The following SCAPER variants were observed in gnomAD, a reference collection of about 807,000 sequenced individuals.
SCAPER encodes the protein S-phase cyclin A associated protein in the ER.
SCAPER carries 98 observed loss-of-function variants against 182.2 expected under a neutral mutation model. That is an observed-to-expected ratio of 0.54 (90% CI 0.46 to 0.64). The LOEUF is 0.64. SCAPER is among the 30% of genes least tolerant of loss of function. The pLI, the probability that SCAPER is intolerant of heterozygous loss-of-function variation, is 0.00. For synonymous variants in SCAPER, 605 were observed against 564.6 expected (o/e 1.07, Z -1.01); for missense variants, 1,432 against 1,690.0 (o/e 0.85, Z 2.68).
chr15:76,639,515 T>C (rs1471117380), intron 21 of SCAPER, among the ~76,000 whole-genome samples: 1 of 152,212 alleles, frequency 6.6e-6, no homozygotes, highest in Non-Finnish European at 1.5e-5. Context: ...GAGTTGGGGC[T>C]GGAGAGAGTG....
chr15:76,796,333 C>G (rs969600514), intron 7 of SCAPER, among the ~76,000 whole-genome samples: 16 of 152,134 alleles, frequency 1.1e-4, no homozygotes, highest in African/African-American at 3.9e-4. Context: ...AGCAACTTTA[C>G]CAGTTCCCTT....
At chr15:76,445,639 G>A (rs544843825) in intron 25 of SCAPER, among the ~76,000 whole-genome samples, 1 of 152,256 alleles carries the variant, frequency 6.6e-6, no homozygotes, top group East Asian at 1.9e-4. Flanking sequence ...GGTTTCCACA[G>A]GAGGGGTTTC....
chr15:76,676,410 A>G (rs2057372265), intron 20 of SCAPER, among the ~76,000 whole-genome samples: 1 of 152,232 alleles, frequency 6.6e-6, no homozygotes, highest in South Asian at 2.1e-4. Flanking sequence ...CCTCTGTTCT[A>G]CATAGTCACA....
chr15:76,491,751 C>T (rs2052334715), intron 24 of SCAPER, among the ~76,000 whole-genome samples: 1 of 152,166 alleles, frequency 6.6e-6, no homozygotes, highest in Non-Finnish European at 1.5e-5. Flanking sequence ...CGTGCCTCAG[C>T]CACCTGAGTA....
At chr15:76,852,733 A>AAGTTGG (rs1273081189) in intron 4 of SCAPER, among the ~76,000 whole-genome samples, 1 of 152,178 alleles carries the variant, frequency 6.6e-6, no homozygotes, top group African/African-American at 2.4e-5. Context: ...CCACATCAAA[A>AAGTTGG]AGTTGGAAAG....
chr15:76,426,701 C>CA (rs1160653102), intron 26 of SCAPER, among the ~76,000 whole-genome samples: 6 of 151,100 alleles, frequency 4.0e-5, no homozygotes, highest in Admixed American at 1.3e-4. Context: ...TCTTCACACA[C>CA]AAAAAAAACA....
rs1302408233 is a variant in SCAPER, at chr15:76,885,151, T to TA, written c.-59-1276dup. 3.9e-5 allele frequency among the ~76,000 whole-genome samples: 6 copies of TA among 152,340 alleles called. 1 individual carries two copies. The highest frequency in any genetic ancestry group is 1.4e-4 in the African/African-American group (6 of 41,570). ...AAAAACCATTTTTAAATGGGGAAAT[T>TA]ATATTGTAAATGAATCATTTATCAG... On this transcript the variant is annotated intron_variant, in intron 1 of 31. Coordinates refer to ENST00000563290, the MANE Select transcript of SCAPER (RefSeq NM_020843.4).
At chr15:76,705,659 T>G (rs1185942005) in intron 18 of SCAPER, among the ~76,000 whole-genome samples, 3 of 151,724 alleles carry the variant, frequency 2.0e-5, no homozygotes, top group Admixed American at 6.6e-5. Context: ...AGATTCTAAA[T>G]TAAAAAGAAA....
At chr15:76,653,954 A>G (rs2055391889) in intron 21 of SCAPER, among the ~76,000 whole-genome samples, 1 of 152,224 alleles carries the variant, frequency 6.6e-6, no homozygotes, top group Non-Finnish European at 1.5e-5. Flanking sequence ...TTCAGAAACT[A>G]TGCATCCAAC....
intron 26 of SCAPER, 69 bp from the exon 27 acceptor site, chr15:76,404,748 A>T (rs2044705699): frequency 1.3e-6 from 2 of 1,513,182 alleles, no homozygotes; most frequent in Non-Finnish European, 1.8e-6. Flanking sequence ...TTCAATGATA[A>T]ATGCTACCAT....
intron 20 of SCAPER, among the ~76,000 whole-genome samples, chr15:76,676,282 G>C (rs1363446461): frequency 3.3e-5 from 5 of 152,108 alleles, no homozygotes; most frequent in Non-Finnish European, 5.9e-5. Context: ...GCCTGCACTG[G>C]CTGGGATCAG....
intron 22 of SCAPER, 102 bp from the exon 23 acceptor site, chr15:76,574,386 T>A: frequency 1.5e-6 from 2 of 1,351,168 alleles, no homozygotes; most frequent in South Asian, 2.8e-5. Flanking sequence ...GTATTGGATT[T>A]GAAAATGCTT....
rs145069373 is a variant in SCAPER at position 76,775,638 on chromosome 15, T to A, written c.773-521A>T. ...CTCTTCATCTTTCAGAATCCAAACA[T>A]CTACCTCCAAAGTCTGAGTTCTTTC... On this transcript the variant is annotated intron_variant, in intron 8 of 31. Coordinates refer to ENST00000563290, the MANE Select transcript of SCAPER (RefSeq NM_020843.4). 5.9e-5 allele frequency among the ~76,000 whole-genome samples: 9 copies of A among 152,266 alleles called. No individual in the cohort carries two copies. The East Asian group carries it at 1.7e-3, about 29-fold the overall frequency.
rs1386047016 is a variant in SCAPER at position 76,733,207 on chromosome 15, T to C, written c.2022+22A>G. 5 of 1,551,478 alleles carry C rather than the reference T, an allele frequency of 3.2e-6. No individual in the cohort carries two copies. The South Asian group carries it at 6.0e-5, about 18-fold the overall frequency. Reference sequence around the variant, plus strand: ...AATATGACAGGTGCTCAAGCAATGTTTGCTGAATAAAAAAATCCTACCTGC... The same window carrying C: ...AATATGACAGGTGCTCAAGCAATGTCTGCTGAATAAAAAAATCCTACCTGC... On this transcript the variant is annotated intron_variant, in intron 16 of 31. Transcript: ENST00000563290.
chr15:76,594,422 A>G (rs1214626727), intron 22 of SCAPER, among the ~76,000 whole-genome samples: 1 of 121,256 alleles, frequency 8.2e-6, no homozygotes, highest in African/African-American at 2.5e-5. Context: ...TATCCAGGAG[A>G]ACTTCCCCAA....
chr15:76,665,987 C>T (rs1189518147), intron 20 of SCAPER, among the ~76,000 whole-genome samples, 198 bp from the exon 21 acceptor site: 1 of 152,142 alleles, frequency 6.6e-6, no homozygotes, highest in Non-Finnish European at 1.5e-5. Flanking sequence ...GACTTCACTT[C>T]ATTGCATATC....
rs148494912 is a variant in SCAPER at position 76,615,383 on chromosome 15, T to A, written c.2711+6381A>T. On this transcript the variant is annotated intron_variant, in intron 22 of 31. Coordinates refer to ENST00000563290, the MANE Select transcript of SCAPER (RefSeq NM_020843.4). ...ATCCTTTGAACCCGGGAGGCAGAGATTGCAGTGAGCTGAGATCGCGCCACT... is the reference window on the plus strand; with the variant it reads ...ATCCTTTGAACCCGGGAGGCAGAGAATGCAGTGAGCTGAGATCGCGCCACT... 2.0e-5 allele frequency among the ~76,000 whole-genome samples: 3 copies of A among 151,344 alleles called. 1 individual carries two copies. The highest frequency in any genetic ancestry group is 7.3e-5 in the African/African-American group (3 of 41,126).
At chr15:76,784,285 A>G (rs1205912991) in intron 8 of SCAPER, among the ~76,000 whole-genome samples, 1 of 152,232 alleles carries the variant, frequency 6.6e-6, no homozygotes, top group Non-Finnish European at 1.5e-5. Context: ...CCCATTCACA[A>G]TTGCTTCAAA....
At chr15:76,496,982 C>T (rs559372064) in intron 24 of SCAPER, among the ~76,000 whole-genome samples, 1 of 152,092 alleles carries the variant, frequency 6.6e-6, no homozygotes, top group Admixed American at 6.5e-5. Context: ...CTATTGGGAA[C>T]TTTCACATAA....
Sources: gnomAD v4.1 joint callset for allele counts (sites outside exome capture counted in the v4.1 genomes callset) on GRCh38, gnomAD v4.1.1 for gene constraint, MANE v1.5 for transcripts, NCBI Gene and HGNC (gene_info 2026-07-23, HGNC 2026-07-21) for gene names.